The following WDFY3 variants were observed in gnomAD, a reference collection of about 807,000 sequenced individuals.
WDFY3 encodes the protein WD repeat and FYVE domain-containing protein 3.
A neutral mutation model predicts 409.6 loss-of-function variants in WDFY3; 66 were observed. The observed-to-expected ratio is 0.16, with a 90% CI of 0.13 to 0.20. WDFY3 has a LOEUF of 0.20. Among genes scored for constraint, WDFY3 ranks in the 10% least tolerant of loss-of-function variants. The pLI, the probability that WDFY3 is intolerant of heterozygous loss-of-function variation, is 1.00. For synonymous variants in WDFY3, 1,521 were observed against 1,537.1 expected (o/e 0.99, Z 0.25); for missense variants, 3,031 against 4,298.1 (o/e 0.71, Z 8.24).
chr4:84,927,757 T>C (rs1454850549), intron 2 of WDFY3, among the ~76,000 whole-genome samples: 1 of 152,190 alleles, frequency 6.6e-6, no homozygotes, highest in Non-Finnish European at 1.5e-5. Context: ...CCTTCAGCCA[T>C]GATTGTAAGT....
intron 4 of WDFY3, among the ~76,000 whole-genome samples, chr4:84,859,624 G>A (rs1760279631): frequency 6.6e-6 from 1 of 152,186 alleles, no homozygotes; most frequent in South Asian, 2.1e-4. Context: ...CGCCCAGGCT[G>A]GAGTGCAATG....
At position 84,751,905 on chromosome 4, in the gene WDFY3, G is replaced by A. The variant is rs145927629; in HGVS notation, c.5740-189C>T. On this transcript the variant is annotated intron_variant, in intron 35 of 67. Transcript: ENST00000295888. ...ATCTGGCACCATATGTCATGGTTAC[G>A]CAACATATGGTGTTTCTGACTGACC... is the stretch of plus-strand genomic sequence containing the variant. Among the ~76,000 whole-genome samples, 381 of 152,170 alleles carry A rather than the reference G, an allele frequency of 2.5e-3. 1 individual carries two copies. The highest frequency in any genetic ancestry group is 8.5e-3 in the African/African-American group (353 of 41,514).
chr4:84,836,023 TA>T (rs1052229785), intron 7 of WDFY3, among the ~76,000 whole-genome samples: 24 of 152,278 alleles, frequency 1.6e-4, no homozygotes, highest in African/African-American at 3.6e-4. Flanking sequence ...TTGATTGGGT[TA>T]AAAAAACATG....
intron 31 of WDFY3, 77 bp downstream of exon 31, chr4:84,766,175 C>T: frequency 6.7e-7 from 1 of 1,500,958 alleles, no homozygotes; most frequent in South Asian, 1.3e-5. Flanking sequence ...AAGTCAATGG[C>T]AATTCCTTCT....
chr4:84,866,620 C>T (rs1761434056), intron 3 of WDFY3, among the ~76,000 whole-genome samples: 1 of 152,162 alleles, frequency 6.6e-6, no homozygotes, highest in Non-Finnish European at 1.5e-5. Flanking sequence ...ATCCTTCATC[C>T]AGATAAGGGG....
Position 84,795,645 on chromosome 4 carries a change from C to G in WDFY3, c.3168-666G>C, listed in dbSNP as rs189698219. Among the ~76,000 whole-genome samples the G allele has an allele frequency of 1.2e-3, 186 of 152,150 alleles. 1 individual carries two copies. Among genetic ancestry groups the G allele is most frequent in the Non-Finnish European group, 2.3e-3 (156 of 68,006 alleles). ...GGCGCGGTGGCGTGCGCCCATAATC[C>G]CAGCTACTTGGGAGGCTGAGGCAGG... On this transcript the variant is annotated intron_variant, in intron 19 of 67. Coordinates refer to ENST00000295888, the MANE Select transcript of WDFY3 (RefSeq NM_014991.6).
At chr4:84,719,998 T>C (rs1578243516) in intron 47 of WDFY3, among the ~76,000 whole-genome samples, 1 of 152,214 alleles carries the variant, frequency 6.6e-6, no homozygotes, top group Non-Finnish European at 1.5e-5. Flanking sequence ...TCTAATATAA[T>C]AGGCAAAAGA....
In WDFY3 at chr4:84,883,467, G is replaced by T. The variant is rs1763808971; in HGVS notation, c.-32+13444C>A. Reference sequence around the variant, plus strand: ...ATCATCTTCTTAGAAGGAAAGCAATGTCATAAAATATAAAATACTACCTTG... The same window carrying T: ...ATCATCTTCTTAGAAGGAAAGCAATTTCATAAAATATAAAATACTACCTTG... On this transcript the variant is annotated intron_variant, in intron 3 of 67. Coordinates refer to ENST00000295888, the MANE Select transcript of WDFY3 (RefSeq NM_014991.6). Among the ~76,000 whole-genome samples the T allele has an allele frequency of 2.0e-5, 3 of 152,124 alleles. No individual in the cohort carries two copies. In the South Asian group the frequency reaches 6.2e-4, roughly 32 times the overall value.
intron 4 of WDFY3, among the ~76,000 whole-genome samples, chr4:84,859,077 G>C (rs1760178840): frequency 6.6e-6 from 1 of 151,978 alleles, no homozygotes; most frequent in Non-Finnish European, 1.5e-5. Flanking sequence ...GGGAGGGACA[G>C]AGAAAGGAGG....
At chr4:84,717,847 G>C (rs1263916625) in intron 48 of WDFY3, among the ~76,000 whole-genome samples, 1 of 151,988 alleles carries the variant, frequency 6.6e-6, no homozygotes, top group African/African-American at 2.4e-5. Context: ...AGGAGATTGA[G>C]ACCATCCTGG....
intron 56 of WDFY3, 57 bp from the exon 57 acceptor site, chr4:84,696,880 C>T: frequency 6.8e-7 from 1 of 1,466,536 alleles, no homozygotes; most frequent in Non-Finnish European, 9.5e-7. Context: ...TAAATGGTAA[C>T]TTTATATTAA....
chr4:84,818,227 C>G (rs1753590976), intron 12 of WDFY3, among the ~76,000 whole-genome samples: 1 of 152,092 alleles, frequency 6.6e-6, no homozygotes, highest in South Asian at 2.1e-4. Context: ...CTACATAGCC[C>G]AGCTCTGTAA....
chr4:84,690,390 G>T, intron 61 of WDFY3, 116 bp downstream of exon 61: 2 of 1,444,014 alleles, frequency 1.4e-6, no homozygotes, highest in South Asian at 1.3e-5. Flanking sequence ...CGTCACTTTG[G>T]TTTTGTCCAT....
At position 84,721,561 on chromosome 4, in the gene WDFY3, G is replaced by A. The variant is rs759256268; in HGVS notation, c.7453C>T (p.Pro2485Ser). The A allele has an allele frequency of 6.2e-7, 1 of 1,605,616 alleles. No homozygotes were observed. Among genetic ancestry groups the A allele is most frequent in the Non-Finnish European group, 8.5e-7 (1 of 1,179,966 alleles). Residue 2485 changes from proline (P) to serine (S), a missense_variant, in exon 47 of 68, where the codon CCT (proline) becomes TCT (serine). Pro to Ser is a moderately conservative substitution (Grantham distance 74). Coordinates refer to ENST00000295888, the MANE Select transcript of WDFY3 (RefSeq NM_014991.6). Reference sequence around the variant, plus strand: ...GCAGATCGGGAGCGTTTTAGAGGAGGCTTGACCAAACCTACAGTATAATAA... The same window carrying A: ...GCAGATCGGGAGCGTTTTAGAGGAGACTTGACCAAACCTACAGTATAATAA... Reference protein sequence around the residue: ...TIAKVKGLVKPPLKRSRSAPD... With the variant: ...TIAKVKGLVKSPLKRSRSAPD...
intron 8 of WDFY3, 104 bp from the exon 9 acceptor site, chr4:84,829,294 T>A: frequency 1.1e-6 from 1 of 947,602 alleles, no homozygotes; most frequent in South Asian, 2.0e-5. Context: ...TTTTAACATA[T>A]CTGTAAAATA....
At chr4:84,740,092 G>A in intron 39 of WDFY3, 95 bp downstream of exon 39, 3 of 1,244,576 alleles carry the variant, frequency 2.4e-6, no homozygotes, top group Non-Finnish European at 2.3e-6. Flanking sequence ...CAGAGTAAGG[G>A]TAAAAGAAAT....
chr4:84,853,170 T>C (rs952961855), intron 4 of WDFY3, among the ~76,000 whole-genome samples: 2 of 152,154 alleles, frequency 1.3e-5, no homozygotes, highest in African/African-American at 4.8e-5. Context: ...ACATAGCCTT[T>C]TGTTATTGCT....
At chr4:84,893,812 T>C (rs1156716613) in intron 3 of WDFY3, among the ~76,000 whole-genome samples, 4 of 151,940 alleles carry the variant, frequency 2.6e-5, no homozygotes, top group Admixed American at 1.3e-4. Context: ...TGGTGAAACC[T>C]CGTCTCTACT....
rs563629903 is a variant in WDFY3, at chr4:84,917,205, A to G, written c.-132+15065T>C. On this transcript the variant is annotated intron_variant, in intron 2 of 67. Coordinates refer to ENST00000295888, the MANE Select transcript of WDFY3 (RefSeq NM_014991.6). ...TTCTGACCTATTATCTTTTTTCTAT[A>G]AACTTCAGTTTCATGGAAATGGTGA... Among the ~76,000 whole-genome samples the G allele has an allele frequency of 4.6e-5, 7 of 152,228 alleles. 1 individual carries two copies. The South Asian group carries it at 1.2e-3, about 27-fold the overall frequency.
Sources: gnomAD v4.1 joint callset for allele counts (sites outside exome capture counted in the v4.1 genomes callset) on GRCh38, gnomAD v4.1.1 for gene constraint, MANE v1.5 for transcripts, NCBI Gene and HGNC (gene_info 2026-07-23, HGNC 2026-07-21) for gene names.